Variants in RPS6KA2 observed in about 807,000 individuals in gnomAD.
The protein encoded by RPS6KA2 is ribosomal protein S6 kinase alpha-2.
A neutral mutation model predicts 91.8 loss-of-function variants in RPS6KA2; 42 were observed. The observed-to-expected ratio is 0.46, with a 90% CI of 0.36 to 0.59. RPS6KA2 has a LOEUF of 0.59. Ranked by LOEUF, RPS6KA2 falls within the 20% of genes least tolerant of loss-of-function variation. The probability of loss-of-function intolerance (pLI) is 0.00; values close to 1 mark genes in which losing one functional copy is unlikely to be tolerated. For synonymous variants in RPS6KA2, 414 were observed against 393.6 expected, an observed-to-expected ratio of 1.05 and a Z score of -0.61; for missense variants, 798 against 978.5, an observed-to-expected ratio of 0.82 and a Z score of 2.46.
chr6:166,532,743 G>T (rs1349997740), intron 2 of RPS6KA2, among the ~76,000 whole-genome samples: 1 of 152,214 alleles, frequency 6.6e-6, no homozygotes, highest in Non-Finnish European at 1.5e-5. Context: ...CAGGCAATTA[G>T]AAAGAGGCTT....
chr6:166,785,100 C>G (rs1400155040), intron 2 of RPS6KA2, among the ~76,000 whole-genome samples: 1 of 152,238 alleles, frequency 6.6e-6, no homozygotes, highest in Non-Finnish European at 1.5e-5. Context: ...ACCTATCTGT[C>G]TGCATCTTTT....
rs932979660 is a variant in RPS6KA2, at chr6:166,732,044, G to C, written c.123+126156C>G. 1.3e-5 allele frequency among the ~76,000 whole-genome samples: 2 copies of C among 152,162 alleles called. No individual in the cohort carries two copies. The highest frequency in any genetic ancestry group is 2.9e-5 in the Non-Finnish European group (2 of 68,036). Reference sequence around the variant, plus strand: ...TATTAGTGGTGGCTACTGAGGAGACGGGAAGGGATGGGATTGGGGAGAAAT... The same window carrying C: ...TATTAGTGGTGGCTACTGAGGAGACCGGAAGGGATGGGATTGGGGAGAAAT... On this transcript the variant is annotated intron_variant, in intron 2 of 21. Transcript: ENST00000503859. The surrounding 1 kb of genome is among the most constrained non-coding windows in gnomAD (Gnocchi z 4.0).
rs1382247850 is a variant in RPS6KA2 at position 166,554,293 on chromosome 6, G to A, written c.100-15509C>T. ...GAGATCTGCAAAATTTTGCTCGTTC[G>A]TGAGCATTTTAGCTTCTGTTTCAAG... On this transcript the variant is annotated intron_variant, in intron 1 of 20. Transcript: ENST00000265678. This position sits in a 1 kb window ranked among gnomAD's most constrained non-coding sequence, Gnocchi z 4.3. Among the ~76,000 whole-genome samples the A allele has an allele frequency of 2.6e-5, 4 of 152,168 alleles. No individual in the cohort carries two copies. The highest frequency in any genetic ancestry group is 7.2e-5 in the African/African-American group (3 of 41,438).
intron 2 of RPS6KA2, among the ~76,000 whole-genome samples, chr6:166,817,008 T>C (rs1779782975): frequency 6.6e-6 from 1 of 152,206 alleles, no homozygotes; most frequent in East Asian, 1.9e-4. Context: ...CAGATGATGC[T>C]GTGGTCACCT....
At position 166,423,303 on chromosome 6, in the gene RPS6KA2, C is replaced by T. The variant is rs1254821821; in HGVS notation, c.1696G>A (p.Gly566Arg). 6.2e-7 allele frequency: 1 copy of T among 1,613,966 alleles called. No individual in the cohort carries two copies. Among genetic ancestry groups the T allele is most frequent in the Non-Finnish European group, 8.5e-7 (1 of 1,179,938 alleles). The change falls in exon 17 of 21, where the codon GGG becomes AGG. Residue 566 changes from glycine (G) to arginine (R), a missense_variant. Gly to Arg is a moderately radical substitution (Grantham distance 125). Transcript: ENST00000265678. The surrounding 1 kb of genome is among the most constrained non-coding windows in gnomAD (Gnocchi z 4.8). Reference protein sequence around the residue: ...GFAKQLRAGNGLLMTPCYTAN... With the variant: ...GFAKQLRAGNRLLMTPCYTAN... ...GTGTAGCAGGGTGTCATGAGCAGCC[C>T]GTTCCCCGCGCGCAGCTGCTTGGCA... is the stretch of plus-strand genomic sequence containing the variant.
rs60613942 is a variant in RPS6KA2, at chr6:166,568,621, G to GAAAA, written c.100-29841_100-29838dup. 2.0e-3 allele frequency among the ~76,000 whole-genome samples: 93 copies of GAAAA among 45,542 alleles called. 8 individuals carry two copies. The highest frequency in any genetic ancestry group is 3.9e-3 in the East Asian group (5 of 1,266). The allele number at this position is 45,542 out of a possible 152,430, so 29.9% of individuals were successfully genotyped here. On this transcript the variant is annotated intron_variant, in intron 1 of 20. Transcript: ENST00000265678. ...ACAACAAGAGCAAAACTCCATCTCAGAAAAAAAAAAAAAAAAAAAAAAAAA... is the reference window on the plus strand; with the variant it reads ...ACAACAAGAGCAAAACTCCATCTCAGAAAAAAAAAAAAAAAAAAAAAAAAAAAAA...
chr6:166,697,972 G>C (rs1249636366), intron 2 of RPS6KA2, among the ~76,000 whole-genome samples: 2 of 152,202 alleles, frequency 1.3e-5, no homozygotes, highest in East Asian at 1.9e-4. Context: ...ACTGGCAGTA[G>C]AAGGATGGTG....
At position 166,834,825 on chromosome 6, in the gene RPS6KA2, G is replaced by A. The variant is rs934270124; in HGVS notation, c.123+23375C>T. On this transcript the variant is annotated intron_variant, in intron 2 of 21. Coordinates refer to the RPS6KA2 transcript ENST00000503859. The stretch of plus-strand genomic sequence containing the variant: ...GACAGGAGTCTTTAGTTTGTATGGC[G>A]TCCTATTATTTATTTATTTATTTAT... Among the ~76,000 whole-genome samples, 5 of 63,546 alleles carry A rather than the reference G, an allele frequency of 7.9e-5. No individual in the cohort carries two copies. In the Admixed American group the frequency reaches 7.9e-4, roughly 10 times the overall value. 41.7% of individuals were successfully genotyped at this position (63,546 alleles called of 152,430 possible). A position where few individuals can be genotyped will look rare whatever the true frequency, so the allele number is the denominator to read the frequency against.
chr6:166,830,063 T>C (rs1043245402), intron 2 of RPS6KA2, among the ~76,000 whole-genome samples: 2 of 150,076 alleles, frequency 1.3e-5, no homozygotes, highest in Non-Finnish European at 3.0e-5. Flanking sequence ...GAGGCGGAGA[T>C]TGCATGAGCC....
At chr6:166,757,677 C>CCGTCCT in intron 2 of RPS6KA2, 1 of 448,456 alleles carries the variant, frequency 2.2e-6, no homozygotes, top group Non-Finnish European at 4.5e-6. Context: ...GCTGCTGCGC[C>CCGTCCT]CGTCCTCGTC....
chr6:166,807,638 C>T (rs895439221), intron 2 of RPS6KA2, among the ~76,000 whole-genome samples: 8 of 151,884 alleles, frequency 5.3e-5, no homozygotes, highest in Non-Finnish European at 1.0e-4. Context: ...GTGACCTCTG[C>T]GGCCTCTCCC....
intron 2 of RPS6KA2, among the ~76,000 whole-genome samples, chr6:166,812,280 T>C (rs4710107): frequency 0.22 from 34,145 of 151,930 alleles, 4,917 homozygotes; most frequent in African/African-American, 0.41. Flanking sequence ...TGCTTGAACT[T>C]GGGAGACAGA....
chr6:166,425,329 C>T (rs993122933), intron 16 of RPS6KA2, among the ~76,000 whole-genome samples: 1 of 151,782 alleles, frequency 6.6e-6, no homozygotes, highest in Non-Finnish European at 1.5e-5. Context: ...ACAACAGGTA[C>T]CAGCCACTGC....
intron 19 of RPS6KA2, among the ~76,000 whole-genome samples, chr6:166,416,436 A>G (rs1778526492): frequency 6.6e-6 from 1 of 150,656 alleles, no homozygotes; most frequent in Non-Finnish European, 1.5e-5. Context: ...CATTACCTCC[A>G]CAATCACTAC....
At chr6:166,815,163 T>C (rs150453650) in intron 2 of RPS6KA2, among the ~76,000 whole-genome samples, 26 of 152,326 alleles carry the variant, frequency 1.7e-4, no homozygotes, top group African/African-American at 5.5e-4. Flanking sequence ...AAGAAACTAA[T>C]GAAAAGTCAC....
chr6:166,469,328 T>TG (rs1170222853), intron 11 of RPS6KA2, among the ~76,000 whole-genome samples: 3 of 148,800 alleles, frequency 2.0e-5, no homozygotes, highest in East Asian at 2.0e-4. Context: ...GCACTGTTGT[T>TG]TTTTTTTTTT....
At chr6:166,609,782 GA>G (rs1479725246) in intron 1 of RPS6KA2, among the ~76,000 whole-genome samples, 4 of 152,138 alleles carry the variant, frequency 2.6e-5, no homozygotes, top group Non-Finnish European at 4.4e-5. Flanking sequence ...TTACAGGCGT[GA>G]GCCACCGTGC....
chr6:166,627,200 G>C lies in RPS6KA2; in HGVS notation c.-181C>G. 4 of 1,041,720 alleles carry C rather than the reference G, an allele frequency of 3.8e-6. No individual in the cohort carries two copies. The highest frequency in any genetic ancestry group is 3.5e-6 in the Non-Finnish European group (3 of 867,900). The allele number at this position is 1,041,720 out of a possible 1,614,324, so 64.5% of individuals were successfully genotyped here. A position where few individuals can be genotyped will look rare whatever the true frequency, so the allele number is the denominator to read the frequency against. ...AAGGGCAGGCCGCGCCGGCCACCGC[G>C]GCCGGGGCCACAATCGCTCCCTCCG... On this transcript the variant is annotated 5_prime_UTR_variant, in exon 1 of 21. Coordinates refer to ENST00000265678, the MANE Select transcript of RPS6KA2 (RefSeq NM_021135.6).
chr6:166,542,898 A>G (rs555889545), intron 1 of RPS6KA2, among the ~76,000 whole-genome samples: 1 of 152,358 alleles, frequency 6.6e-6, no homozygotes, highest in East Asian at 1.9e-4. Context: ...ATAGGAAACA[A>G]AATAGGCAAG....
Sources: gnomAD v4.1 joint callset for allele counts (sites outside exome capture counted in the v4.1 genomes callset) on GRCh38, gnomAD v4.1.1 for gene constraint, Gnocchi (gnomAD v3.1) non-coding constraint, MANE v1.5 for transcripts, NCBI Gene and HGNC (gene_info 2026-07-23, HGNC 2026-07-21) for gene names.